KDM5B: variants seen among roughly 807,000 people sequenced by gnomAD.
KDM5B encodes lysine demethylase 5B.
KDM5B carries 144 observed loss-of-function variants against 193.4 expected under a neutral mutation model. The ratio of observed to expected loss-of-function variants is 0.74; its 90% CI spans 0.65 to 0.86. The LOEUF (loss-of-function observed/expected upper bound fraction) is 0.86. Among genes scored for constraint, KDM5B ranks in the 40% least tolerant of loss-of-function variants. The probability of loss-of-function intolerance (pLI) is 0.00; values close to 1 mark genes in which losing one functional copy is unlikely to be tolerated. For synonymous variants in KDM5B, 668 were observed against 682.6 expected (o/e 0.98, Z 0.33); for missense variants, 1,833 against 1,886.9 (o/e 0.97, Z 0.53).
At chr1:202,791,225 T>A (rs965445199) in intron 1 of KDM5B, among the ~76,000 whole-genome samples, 1 of 152,222 alleles carries the variant, frequency 6.6e-6, no homozygotes, top group African/African-American at 2.4e-5. Flanking sequence ...TAACCCACTT[T>A]AGCCTAAAAT....
At chr1:202,758,848 T>C (rs901602870) in intron 8 of KDM5B, 3 of 177,094 alleles carry the variant, frequency 1.7e-5, no homozygotes, top group African/African-American at 7.1e-5. Flanking sequence ...AATGTCCTCC[T>C]GGGAGTTAAA....
intron 1 of KDM5B, among the ~76,000 whole-genome samples, chr1:202,798,651 A>C (rs1322020161): frequency 1.3e-5 from 2 of 152,046 alleles, no homozygotes; most frequent in Non-Finnish European, 2.9e-5. Context: ...ATTTGAGCCC[A>C]GGAGTTCGAG....
At chr1:202,745,742 G>C (rs1655525840) in intron 16 of KDM5B, 116 bp downstream of exon 16, 1 of 1,172,452 alleles carries the variant, frequency 8.5e-7, no homozygotes, top group Middle Eastern at 2.0e-4. Flanking sequence ...CTATGTAGAG[G>C]GGCTAACCAA....
At position 202,728,776 on chromosome 1, in the gene KDM5B, CA is replaced by C; in HGVS notation, c.*259del. ...CCTTCCAAATTGGTGGGAACCCCTG[CA>C]AAAAAAACAGTCAGCTTTTCAAACC... is the stretch of plus-strand genomic sequence containing the variant. On this transcript the variant is annotated 3_prime_UTR_variant, in exon 27 of 27. Transcript: ENST00000367265. 41 of 363,928 alleles carry C rather than the reference CA, an allele frequency of 1.1e-4. No homozygotes were observed. Among genetic ancestry groups the C allele is most frequent in the South Asian group, 2.0e-4 (5 of 25,428 alleles). 22.5% of individuals were successfully genotyped at this position (363,928 alleles called of 1,614,324 possible). A position where few individuals can be genotyped will look rare whatever the true frequency, so the allele number is the denominator to read the frequency against.
At chr1:202,785,826 T>A (rs569827825) in intron 1 of KDM5B, among the ~76,000 whole-genome samples, 4 of 151,580 alleles carry the variant, frequency 2.6e-5, no homozygotes, top group Non-Finnish European at 5.9e-5. Flanking sequence ...CGAGAATTGC[T>A]TGAACCCAGG....
chr1:202,742,261 G>T (rs1655374108), intron 18 of KDM5B, 130 bp downstream of exon 18: 2 of 639,428 alleles, frequency 3.1e-6, no homozygotes, highest in East Asian at 2.9e-5. Context: ...CACTCAATAG[G>T]TTATTAAAAG....
intron 18 of KDM5B, among the ~76,000 whole-genome samples, chr1:202,742,156 A>AGCCAC (rs1204803250): frequency 1.3e-5 from 2 of 152,098 alleles, no homozygotes; most frequent in Non-Finnish European, 2.9e-5. Context: ...TACAGGTGTG[A>AGCCAC]GCCACCATGC....
chr1:202,734,801 A>G (rs1473618208), intron 22 of KDM5B, among the ~76,000 whole-genome samples: 1 of 152,224 alleles, frequency 6.6e-6, no homozygotes, highest in Admixed American at 6.5e-5. Flanking sequence ...AAAGAAATCA[A>G]TGGGAGAAGG....
Position 202,740,672 on chromosome 1 carries a change from A to G in KDM5B, c.3084+2T>C, listed in dbSNP as rs1276607751. The G allele has an allele frequency of 6.2e-7, 1 of 1,610,216 alleles. No homozygotes were observed. Among genetic ancestry groups the G allele is most frequent in the Non-Finnish European group, 8.5e-7 (1 of 1,178,620 alleles). ...ATTCTGTATATACTTTTTAAAACCA[A>G]CCTGCAGGCCCTCTACATCCTGAAG... On this transcript the variant is annotated splice_donor_variant, in intron 20 of 26. Transcript: ENST00000367265. LOFTEE classifies it high-confidence loss of function.
At chr1:202,788,422 T>C (rs10920481) in intron 1 of KDM5B, among the ~76,000 whole-genome samples, 8,969 of 152,308 alleles carry the variant, frequency 0.059, 458 homozygotes, top group East Asian at 0.25. Flanking sequence ...CAAAGCACTG[T>C]TTCTACGGAA....
intron 1 of KDM5B, among the ~76,000 whole-genome samples, chr1:202,784,168 T>G (rs1310578205): frequency 2.0e-5 from 3 of 152,196 alleles, no homozygotes; most frequent in Non-Finnish European, 2.9e-5. Flanking sequence ...GCTATTAACA[T>G]CCACATATTT....
chr1:202,766,171 T>C (rs1241594534), intron 5 of KDM5B, among the ~76,000 whole-genome samples: 1 of 152,072 alleles, frequency 6.6e-6, no homozygotes, highest in Non-Finnish European at 1.5e-5. Flanking sequence ...GCTATGATCA[T>C]GCCACTGCAC....
chr1:202,737,350 T>C (rs976779839), intron 20 of KDM5B, among the ~76,000 whole-genome samples: 13 of 152,162 alleles, frequency 8.5e-5, no homozygotes, highest in African/African-American at 4.8e-5. Flanking sequence ...GTCCATAAAT[T>C]TGCACTTCTA....
chr1:202,795,234 T>A (rs1035141907), intron 1 of KDM5B, among the ~76,000 whole-genome samples: 61 of 138,240 alleles, frequency 4.4e-4, no homozygotes, highest in Middle Eastern at 3.5e-3. Flanking sequence ...TAATAAAAAA[T>A]AATAATAATA....
At chr1:202,772,560 T>C (rs1341183775) in intron 4 of KDM5B, among the ~76,000 whole-genome samples, 1 of 152,168 alleles carries the variant, frequency 6.6e-6, no homozygotes, top group Non-Finnish European at 1.5e-5. Context: ...AACAAGTAGA[T>C]AATAATCAAC....
Position 202,729,130 on chromosome 1 carries a change from T to A in KDM5B, c.4541A>T (p.His1514Leu). 6.2e-7 allele frequency: 1 copy of A among 1,614,134 alleles called. No individual in the cohort carries two copies. Among genetic ancestry groups the A allele is most frequent in the Non-Finnish European group, 8.5e-7 (1 of 1,179,988 alleles). Residue 1514 changes from histidine (H) to leucine (L), a missense_variant, in exon 27 of 27, where the codon CAT (histidine) becomes CTT (leucine). By Grantham distance (99) the His-to-Leu change is moderately conservative. Around this residue, in one of 3 missense-constraint regions of KDM5B, gnomAD observed 1,379 missense variants for 1,349.6 expected, o/e 1.02. Transcript: ENST00000367265. ...QCDGSCNQWF[H>L]QVCVGVSPEM... is the part of the protein sequence containing the mutation. The stretch of plus-strand genomic sequence containing the variant: ...TGGGGAGACACCAACACAGACCTGA[T>A]GAAACCACTGATTGCAGCTGCCATC...
chr1:202,750,834 A>C, intron 12 of KDM5B, 56 bp from the exon 13 acceptor site: 1 of 1,559,046 alleles, frequency 6.4e-7, no homozygotes, highest in African/African-American at 1.4e-5. Context: ...CATTGTTACT[A>C]AAGACAATCT....
rs763240468 is a variant in KDM5B, at chr1:202,729,076, C to T, written c.4595G>A (p.Cys1532Tyr). 1.2e-6 allele frequency: 2 copies of T among 1,613,976 alleles called. No individual in the cohort carries two copies. The highest frequency in any genetic ancestry group is 1.1e-5 in the South Asian group (1 of 91,082). ...PEMAEKEDYI[C>Y]VRCTVKDAPS... The stretch of plus-strand genomic sequence containing the variant: ...TGCGTCCTTCACAGTACAGCGCACA[C>T]AGATGTAGTCTTCTTTCTCTGCCAT... Residue 1532 changes from cysteine to tyrosine, a missense_variant, in exon 27 of 27, where the codon TGT (cysteine) becomes TAT (tyrosine). Transcript: ENST00000367265.
At chr1:202,776,659 T>C (rs1656968307) in intron 2 of KDM5B, among the ~76,000 whole-genome samples, 1 of 152,144 alleles carries the variant, frequency 6.6e-6, no homozygotes, top group Non-Finnish European at 1.5e-5. Flanking sequence ...CCTCCCAGGC[T>C]GAAGCAATCC....
Sources: gnomAD v4.1 joint callset for allele counts (sites outside exome capture counted in the v4.1 genomes callset) on GRCh38, gnomAD v4.1.1 for gene constraint, gnomAD v4.1.1 regional missense constraint, MANE v1.5 for transcripts, NCBI Gene and HGNC (gene_info 2026-07-23, HGNC 2026-07-21) for gene names.